The following ZMYM1 variants were observed in gnomAD, a reference collection of about 807,000 sequenced individuals.
The protein encoded by ZMYM1 is zinc finger MYM-type protein 1.
Under a neutral mutation model 60.0 loss-of-function variants are expected in ZMYM1, and 39 were observed. The ratio of observed to expected loss-of-function variants is 0.65; its 90% CI spans 0.50 to 0.85. The LOEUF (loss-of-function observed/expected upper bound fraction) is 0.85. Among genes scored for constraint, ZMYM1 ranks in the 40% least tolerant of loss-of-function variants. The pLI, the probability that ZMYM1 is intolerant of heterozygous loss-of-function variation, is 0.00. For synonymous variants in ZMYM1, 413 were observed against 454.0 expected, an observed-to-expected ratio of 0.91 and a Z score of 1.15; for missense variants, 1,171 against 1,309.5, an observed-to-expected ratio of 0.89 and a Z score of 1.63.
intron 1 of ZMYM1, among the ~76,000 whole-genome samples, chr1:35,068,964 G>A (rs1642024183): frequency 6.6e-6 from 1 of 151,966 alleles, no homozygotes; most frequent in Non-Finnish European, 1.5e-5. Flanking sequence ...AGCCTCCCAA[G>A]TAGCTGGGAC....
intron 1 of ZMYM1, among the ~76,000 whole-genome samples, chr1:35,073,703 G>GGA (rs1642115342): frequency 6.7e-6 from 1 of 148,614 alleles, no homozygotes; most frequent in African/African-American, 2.4e-5. Flanking sequence ...AGGAGGGAGG[G>GGA]AGGAAGGAAG....
intron 9 of ZMYM1, among the ~76,000 whole-genome samples, chr1:35,112,503 A>G (rs1644123267): frequency 6.9e-6 from 1 of 145,554 alleles, no homozygotes; most frequent in Non-Finnish European, 1.5e-5. Context: ...TATATATAAT[A>G]TATACTATAA....
intron 1 of ZMYM1, among the ~76,000 whole-genome samples, chr1:35,061,648 C>T (rs547850727): frequency 2.6e-4 from 39 of 151,274 alleles, no homozygotes; most frequent in South Asian, 1.7e-3. Context: ...TGGTGGCAGG[C>T]GCCTGTAGTC....
At chr1:35,072,724 G>A (rs1642089065) in intron 1 of ZMYM1, among the ~76,000 whole-genome samples, 1 of 151,972 alleles carries the variant, frequency 6.6e-6, no homozygotes, top group Non-Finnish European at 1.5e-5. Flanking sequence ...ACGGAGGGTA[G>A]ATCTCTTGAG....
intron 1 of ZMYM1, among the ~76,000 whole-genome samples, chr1:35,064,749 T>C (rs1462726288): frequency 2.0e-5 from 3 of 147,064 alleles, no homozygotes; most frequent in Non-Finnish European, 4.5e-5. Context: ...TGCAGTGGCG[T>C]GATCTCGGCT....
chr1:35,100,331 C>A (rs544625007), intron 4 of ZMYM1, among the ~76,000 whole-genome samples: 2 of 151,846 alleles, frequency 1.3e-5, no homozygotes, highest in East Asian at 3.9e-4. Flanking sequence ...TAGAAAGATG[C>A]GATTTGTGGG....
chr1:35,107,968 G>A (rs1282646597), intron 6 of ZMYM1, among the ~76,000 whole-genome samples: 2 of 152,094 alleles, frequency 1.3e-5, no homozygotes, highest in East Asian at 3.9e-4. Flanking sequence ...AATTAGCCGG[G>A]CATAGTGGCA....
chr1:35,090,570 A>C (rs540280502), intron 1 of ZMYM1, among the ~76,000 whole-genome samples: 1 of 152,308 alleles, frequency 6.6e-6, no homozygotes, highest in East Asian at 1.9e-4. Context: ...GTTCCTCAAA[A>C]GTTGTAAGAT....
At chr1:35,117,348 C>T (rs12748507), downstream of ZMYM1, among the ~76,000 whole-genome samples, 105,522 of 151,770 alleles carry the variant, frequency 0.7, 41,140 homozygotes, top group Non-Finnish European at 0.9. Flanking sequence ...GACGGAGTCT[C>T]GCTCTGTTGC....
intron 1 of ZMYM1, among the ~76,000 whole-genome samples, chr1:35,089,702 G>T: frequency 1.6e-5 from 2 of 126,748 alleles, no homozygotes; most frequent in Admixed American, 8.3e-5. Context: ...ATTTGTGTTA[G>T]TTATCATCTG....
chr1:35,077,704 CT>C (rs1449133824), upstream of ZMYM1, among the ~76,000 whole-genome samples: 1 of 152,166 alleles, frequency 6.6e-6, no homozygotes, highest in African/African-American at 2.4e-5. Flanking sequence ...ATTATTTCAT[CT>C]CCTACCTAAC....
chr1:35,111,859 C>T lies in ZMYM1; in HGVS notation c.1049C>T (p.Ser350Leu), dbSNP rs759546703. The change falls in exon 8 of 10, where the codon TCA (serine) becomes TTA (leucine). Residue 350 changes from serine (S) to leucine (L), a missense_variant. By Grantham distance (145) the Ser-to-Leu change is moderately radical. Transcript: ENST00000359858. Reference protein sequence around the residue: ...DTTPVISNIVSLADTDVALPI... With the variant: ...DTTPVISNIVLLADTDVALPI... Reference sequence around the variant, plus strand: ...ACTCCAGTTATAAGCAATATAGTGTCATTGGCAGACACCGATGTTGCCTTG... The same window carrying T: ...ACTCCAGTTATAAGCAATATAGTGTTATTGGCAGACACCGATGTTGCCTTG... 12 of 1,607,024 alleles carry T rather than the reference C, an allele frequency of 7.5e-6. No homozygotes were observed. In the African/African-American group the frequency reaches 1.6e-4, roughly 21 times the overall value.
At chr1:35,083,410 C>T (rs922389479) in intron 1 of ZMYM1, among the ~76,000 whole-genome samples, 1 of 152,002 alleles carries the variant, frequency 6.6e-6, no homozygotes, top group Non-Finnish European at 1.5e-5. Context: ...CCTCTACCTC[C>T]CGACATGTTC....
At chr1:35,112,181 G>T (rs372783141) in intron 9 of ZMYM1, 51 bp downstream of exon 9, 7 of 1,532,782 alleles carry the variant, frequency 4.6e-6, no homozygotes, top group Non-Finnish European at 6.3e-6. Context: ...GCAGATTTTT[G>T]TTGTTGTTGT....
chr1:35,113,986 C>T lies in ZMYM1; in HGVS notation c.2156C>T (p.Thr719Ile). Reference protein sequence around the residue: ...DKIHGQAYDSTTNLKIKFNKI... With the variant: ...DKIHGQAYDSITNLKIKFNKI... ...ATACATGGCCAGGCCTATGATAGCA[C>T]CACTAATTTGAAGATAAAATTTAAT... Residue 719 changes from threonine (T) to isoleucine (I), a missense_variant, in exon 10 of 10, where the codon ACC (threonine) becomes ATC (isoleucine). Thr to Ile is a moderately conservative substitution (Grantham distance 89). Transcript: ENST00000359858. 1.2e-6 allele frequency: 2 copies of T among 1,608,704 alleles called. No individual in the cohort carries two copies. Among genetic ancestry groups the T allele is most frequent in the East Asian group, 2.2e-5 (1 of 44,828 alleles).
In ZMYM1 at chr1:35,095,895, A is replaced by G. The variant is rs144516432; in HGVS notation, c.169+4A>G. 3.8e-6 allele frequency: 6 copies of G among 1,599,844 alleles called. No individual in the cohort carries two copies. In the East Asian group the frequency reaches 6.7e-5, roughly 18 times the overall value. Reference sequence around the variant, plus strand: ...AATGCTGTGTTTTCAGAGAGTGGTAATAGAATTATTTAAGTTAGTTATGTT... The same window carrying G: ...AATGCTGTGTTTTCAGAGAGTGGTAGTAGAATTATTTAAGTTAGTTATGTT... On this transcript the variant is annotated splice_donor_region_variant and intron_variant, in intron 3 of 9. Coordinates refer to ENST00000359858, the MANE Select transcript of ZMYM1 (RefSeq NM_024772.5).
chr1:35,091,281 C>T (rs905011529), intron 1 of ZMYM1, among the ~76,000 whole-genome samples: 3 of 151,676 alleles, frequency 2.0e-5, no homozygotes, highest in Admixed American at 6.6e-5. Context: ...GGCGCGATCT[C>T]GGCTCACTGC....
upstream of ZMYM1, among the ~76,000 whole-genome samples, chr1:35,077,205 A>G (rs1642182891): frequency 6.6e-6 from 1 of 151,950 alleles, no homozygotes. Context: ...GAATCCTACC[A>G]TTTTTTCAAC....
At chr1:35,059,795 A>C (rs1641838207) in exon 1 of ZMYM1, 1 of 152,140 alleles carries the variant, frequency 6.6e-6, no homozygotes, top group African/African-American at 2.4e-5. Context: ...CAGCATTCTT[A>C]TAGGAGTCTC....
Sources: allele counts gnomAD v4.1 joint callset (sites outside exome capture counted in the v4.1 genomes callset), GRCh38; gene constraint gnomAD v4.1.1; transcripts MANE v1.5; gene names NCBI Gene and HGNC (gene_info 2026-07-23, HGNC 2026-07-21).